The following CCDC148 variants were observed in gnomAD, a reference collection of about 807,000 sequenced individuals.
CCDC148 encodes coiled-coil domain-containing protein 148.
Under a neutral mutation model 85.7 loss-of-function variants are expected in CCDC148, and 89 were observed. The observed-to-expected ratio is 1.04, with a 90% CI of 0.87 to 1.24. The LOEUF (loss-of-function observed/expected upper bound fraction) is 1.24, where lower values mean the gene tolerates loss of function less well. Ranked by LOEUF, CCDC148 falls within the 50% of genes most tolerant of loss-of-function variation. The pLI is 0.00. For synonymous variants in CCDC148, 230 were observed against 213.9 expected (o/e 1.08, Z -0.66); for missense variants, 692 against 671.7 (o/e 1.03, Z -0.33).
At chr2:158,343,450 G>GGA (rs1158555624) in intron 3 of CCDC148, among the ~76,000 whole-genome samples, 1 of 152,144 alleles carries the variant, frequency 6.6e-6, no homozygotes, top group Non-Finnish European at 1.5e-5. Flanking sequence ...AAATATTAAA[G>GGA]GAGATAAAAC....
At chr2:158,435,991 C>G (rs573129215) in intron 1 of CCDC148, among the ~76,000 whole-genome samples, 1 of 152,098 alleles carries the variant, frequency 6.6e-6, no homozygotes, top group African/African-American at 2.4e-5. Context: ...TTCTTAGAGA[C>G]CTACAAAGAG....
intron 1 of CCDC148, among the ~76,000 whole-genome samples, chr2:158,363,753 C>T (rs200026237): frequency 2.0e-5 from 3 of 149,154 alleles, no homozygotes; most frequent in Non-Finnish European, 4.5e-5. Context: ...AAAACTGGCA[C>T]AAGACAAGGA....
intron 10 of CCDC148, among the ~76,000 whole-genome samples, chr2:158,228,971 A>C (rs973109197): frequency 1.6e-4 from 14 of 85,896 alleles, no homozygotes; most frequent in East Asian, 6.5e-4. Context: ...ACAAAACAAA[A>C]AAAAAAAGAA....
rs150537442 is a variant in CCDC148, at chr2:158,321,733, C to A, written c.765-7839G>T. On this transcript the variant is annotated intron_variant, in intron 7 of 13. Coordinates refer to ENST00000283233, the MANE Select transcript of CCDC148 (RefSeq NM_138803.4). ...TATTTTTAAAGACAATTATGTGAAG[C>A]CACACAGTGTTTCTTGAGTGTTGCC... 3.9e-5 allele frequency among the ~76,000 whole-genome samples: 6 copies of A among 152,292 alleles called. No homozygotes were observed. The East Asian group carries it at 1.2e-3, about 29-fold the overall frequency.
chr2:158,176,275 A>G (rs891769593), intron 13 of CCDC148, among the ~76,000 whole-genome samples: 5 of 152,090 alleles, frequency 3.3e-5, no homozygotes, highest in African/African-American at 1.2e-4. Context: ...AATTTAAAAA[A>G]TAAGCTTCAA....
intron 9 of CCDC148, among the ~76,000 whole-genome samples, chr2:158,269,045 T>A (rs1689589303): frequency 6.6e-6 from 1 of 152,148 alleles, no homozygotes; most frequent in South Asian, 2.1e-4. Flanking sequence ...TATCTTTGAT[T>A]GGTGATAATT....
intron 9 of CCDC148, among the ~76,000 whole-genome samples, chr2:158,288,222 T>C (rs12467565): frequency 0.41 from 62,058 of 152,052 alleles, 13,301 homozygotes; most frequent in South Asian, 0.61. Flanking sequence ...TGAAGACCTC[T>C]GACATGCCCT....
intron 1 of CCDC148, among the ~76,000 whole-genome samples, chr2:158,406,631 T>TTTC (rs1559124698): frequency 1.1e-4 from 15 of 140,024 alleles, no homozygotes; most frequent in South Asian, 4.5e-4. Flanking sequence ...TTTTTTTTTT[T>TTTC]TTTTTTTTTG....
At chr2:158,451,807 G>C (rs972836486) in intron 1 of CCDC148, among the ~76,000 whole-genome samples, 10 of 151,240 alleles carry the variant, frequency 6.6e-5, no homozygotes, top group African/African-American at 2.4e-4. Context: ...AAAAACTTTA[G>C]GCTGTTACTC....
intron 10 of CCDC148, among the ~76,000 whole-genome samples, chr2:158,245,378 C>T (rs1346711474): frequency 6.6e-6 from 1 of 152,112 alleles, no homozygotes; most frequent in Non-Finnish European, 1.5e-5. Flanking sequence ...GCAGATCCCT[C>T]CCCAGAAAGA....
At position 158,346,987 on chromosome 2, in the gene CCDC148, T is replaced by C. The variant is rs150852147; in HGVS notation, c.148-1669A>G. On this transcript the variant is annotated intron_variant, in intron 2 of 13. Coordinates refer to ENST00000283233, the MANE Select transcript of CCDC148 (RefSeq NM_138803.4). The stretch of plus-strand genomic sequence containing the variant: ...AGGTAAGAGTGTTACAATTATAAAA[T>C]TTAGGAGGAAAGTACGTTTTTAAAA... Among the ~76,000 whole-genome samples the C allele has an allele frequency of 1.8e-3, 275 of 152,274 alleles. 1 individual carries two copies. The highest frequency in any genetic ancestry group is 6.3e-3 in the African/African-American group (260 of 41,556).
At chr2:158,237,335 C>T (rs1165848117) in intron 10 of CCDC148, among the ~76,000 whole-genome samples, 4 of 152,022 alleles carry the variant, frequency 2.6e-5, no homozygotes, top group Non-Finnish European at 5.9e-5. Flanking sequence ...GTGACATGAT[C>T]TAAAGTGAGT....
intron 1 of CCDC148, among the ~76,000 whole-genome samples, chr2:158,392,738 A>C (rs1222363523): frequency 3.3e-5 from 5 of 152,162 alleles, no homozygotes; most frequent in Admixed American, 3.3e-4. Context: ...AGATAATGTT[A>C]CTAGACAGCA....
At chr2:158,240,265 G>T (rs1688291553) in intron 10 of CCDC148, among the ~76,000 whole-genome samples, 1 of 151,940 alleles carries the variant, frequency 6.6e-6, no homozygotes, top group Non-Finnish European at 1.5e-5. Context: ...TGTAAAAAGA[G>T]TGCTATAAGC....
At chr2:158,242,612 A>T (rs190867784) in intron 10 of CCDC148, among the ~76,000 whole-genome samples, 121 of 146,466 alleles carry the variant, frequency 8.3e-4, no homozygotes, top group African/African-American at 2.9e-3. Context: ...ATGGCCTTCC[A>T]CATCTGCTAC....
intron 9 of CCDC148, among the ~76,000 whole-genome samples, chr2:158,303,721 T>C (rs1377978841): frequency 6.6e-6 from 1 of 152,284 alleles, no homozygotes; most frequent in East Asian, 1.9e-4. Flanking sequence ...TTTACACTTC[T>C]CAGGTTTCAT....
intron 1 of CCDC148, among the ~76,000 whole-genome samples, chr2:158,379,739 G>C (rs906112243): frequency 1.9e-4 from 29 of 152,196 alleles, no homozygotes; most frequent in Non-Finnish European, 3.2e-4. Flanking sequence ...ATGAGCATTG[G>C]CATTTTTTAG....
At chr2:158,223,158 C>G (rs547694404) in intron 10 of CCDC148, among the ~76,000 whole-genome samples, 1 of 152,338 alleles carries the variant, frequency 6.6e-6, no homozygotes, top group African/African-American at 2.4e-5. Flanking sequence ...AAAGGGCACA[C>G]CAGGAGATCA....
At position 158,196,442 on chromosome 2, in the gene CCDC148, TC is replaced by T. The variant is rs372335975; in HGVS notation, c.1371-17447del. The stretch of plus-strand genomic sequence containing the variant: ...CAGGATTTAACCAACCCTCTTCTCC[TC>T]CCCCCAGCCAGTTGTTAAATATGTC... On this transcript the variant is annotated intron_variant, in intron 11 of 13. Transcript: ENST00000283233. Among the ~76,000 whole-genome samples, 496 of 152,062 alleles carry T rather than the reference TC, an allele frequency of 3.3e-3. 1 individual carries two copies. The highest frequency in any genetic ancestry group is 5.6e-3 in the Non-Finnish European group (382 of 67,972).
Sources: gnomAD v4.1 joint callset for allele counts (sites outside exome capture counted in the v4.1 genomes callset) on GRCh38, gnomAD v4.1.1 for gene constraint, MANE v1.5 for transcripts, NCBI Gene and HGNC (gene_info 2026-07-23, HGNC 2026-07-21) for gene names.